Variants in AP3S1 observed in about 807,000 individuals in gnomAD.
AP3S1 encodes adaptor related protein complex 3 subunit sigma 1.
In AP3S1, 12 loss-of-function variants were observed where a neutral mutation model predicts 21.3. That is an observed-to-expected ratio of 0.56 (90% CI 0.36 to 0.91). The LOEUF is 0.91. Ranked by LOEUF, AP3S1 falls within the 40% of genes least tolerant of loss-of-function variation. The probability of loss-of-function intolerance (pLI) is 0.01; values close to 1 mark genes in which losing one functional copy is unlikely to be tolerated. For synonymous variants in AP3S1, 48 were observed against 78.4 expected, an observed-to-expected ratio of 0.61 and a Z score of 2.05; for missense variants, 116 against 225.0, an observed-to-expected ratio of 0.52 and a Z score of 3.10.
At chr5:115,893,662 A>C (rs1053809877) in intron 3 of AP3S1, among the ~76,000 whole-genome samples, 3 of 152,176 alleles carry the variant, frequency 2.0e-5, no homozygotes, top group African/African-American at 7.2e-5. Context: ...CGTGCCCTAC[A>C]TAGGAGCAAC....
intron 1 of AP3S1, among the ~76,000 whole-genome samples, chr5:115,862,548 A>T (rs1268176630): frequency 6.6e-6 from 1 of 152,224 alleles, no homozygotes; most frequent in Non-Finnish European, 1.5e-5. Flanking sequence ...ATGCAGTATT[A>T]AATTATAACT....
chr5:115,870,266 G>A (rs1268842597), intron 3 of AP3S1, 138 bp downstream of exon 3: 1 of 551,914 alleles, frequency 1.8e-6, no homozygotes, highest in Non-Finnish European at 3.1e-6. Context: ...GTTGGTAAAA[G>A]AGGTCAGAGG....
intron 1 of AP3S1, among the ~76,000 whole-genome samples, chr5:115,849,461 G>T (rs1177419626): frequency 6.6e-6 from 1 of 152,164 alleles, no homozygotes; most frequent in East Asian, 1.9e-4. Context: ...TAGCAAGAAG[G>T]CAAGCTGAGA....
At chr5:115,847,575 C>T (rs1762152144) in intron 1 of AP3S1, among the ~76,000 whole-genome samples, 1 of 152,164 alleles carries the variant, frequency 6.6e-6, no homozygotes, top group African/African-American at 2.4e-5. Flanking sequence ...GCTGAGATTG[C>T]GCCATTGCGC....
At chr5:115,893,600 G>A (rs1750504149) in intron 3 of AP3S1, among the ~76,000 whole-genome samples, 1 of 152,110 alleles carries the variant, frequency 6.6e-6, no homozygotes, top group Admixed American at 6.5e-5. Context: ...TGTCCACTTA[G>A]CCATCTAACA....
intron 3 of AP3S1, among the ~76,000 whole-genome samples, chr5:115,877,596 A>G (rs958437953): frequency 6.6e-6 from 1 of 152,072 alleles, no homozygotes; most frequent in Non-Finnish European, 1.5e-5. Context: ...TATCTACTCT[A>G]TCACTGATGG....
At chr5:115,879,409 G>C (rs567722982) in intron 3 of AP3S1, among the ~76,000 whole-genome samples, 3 of 152,092 alleles carry the variant, frequency 2.0e-5, no homozygotes, top group South Asian at 2.1e-4. Context: ...TAGTGTGAAG[G>C]GGTGTTGAAT....
Position 115,888,857 on chromosome 5 carries a change from G to A in AP3S1, c.274-6230G>A, listed in dbSNP as rs570415549. Reference sequence around the variant, plus strand: ...GCTGCCATTTATTAAATGGGTCTTCGGAACTGTGCTGGGCACTCTATCTAA... The same window carrying A: ...GCTGCCATTTATTAAATGGGTCTTCAGAACTGTGCTGGGCACTCTATCTAA... On this transcript the variant is annotated intron_variant, in intron 3 of 5. Coordinates refer to ENST00000316788, the MANE Select transcript of AP3S1 (RefSeq NM_001284.4). Among the ~76,000 whole-genome samples the A allele has an allele frequency of 2.6e-5, 4 of 152,146 alleles. No individual in the cohort carries two copies. In the South Asian group the frequency reaches 8.3e-4, roughly 32 times the overall value.
At chr5:115,910,188 C>T (rs1231805544) in intron 5 of AP3S1, among the ~76,000 whole-genome samples, 1 of 151,372 alleles carries the variant, frequency 6.6e-6, no homozygotes, top group Non-Finnish European at 1.5e-5. Flanking sequence ...TCACTTGAGC[C>T]CAGGAGTTCA....
intron 5 of AP3S1, chr5:115,907,002 G>C (rs1580748867): frequency 1.6e-6 from 2 of 1,242,672 alleles, no homozygotes. Context: ...TTCCATTCTA[G>C]TTTCTCCTTG....
intron 1 of AP3S1, among the ~76,000 whole-genome samples, chr5:115,864,097 TG>T (rs1174062832): frequency 6.6e-6 from 1 of 152,222 alleles, no homozygotes; most frequent in African/African-American, 2.4e-5. Flanking sequence ...CTAACTCTAC[TG>T]TTTTGTGCAA....
chr5:115,877,175 A>G (rs1199155176), intron 3 of AP3S1, among the ~76,000 whole-genome samples: 1 of 151,924 alleles, frequency 6.6e-6, no homozygotes, highest in African/African-American at 2.4e-5. Flanking sequence ...TGTGAGGAAA[A>G]GCTTTGTAAT....
chr5:115,879,202 C>G (rs185294386), intron 3 of AP3S1, among the ~76,000 whole-genome samples: 1 of 152,182 alleles, frequency 6.6e-6, no homozygotes, highest in Non-Finnish European at 1.5e-5. Context: ...TTTCTCTTGC[C>G]TGATTGCCCT....
intron 5 of AP3S1, among the ~76,000 whole-genome samples, chr5:115,906,629 A>G (rs1057060825): frequency 2.0e-5 from 3 of 152,052 alleles, no homozygotes; most frequent in African/African-American, 7.2e-5. Context: ...AACCTGCCTA[A>G]GAATAAAAGG....
chr5:115,893,572 G>A (rs1750501448), intron 3 of AP3S1, among the ~76,000 whole-genome samples: 1 of 152,140 alleles, frequency 6.6e-6, no homozygotes, highest in African/African-American at 2.4e-5. Context: ...CGTTGTTCAA[G>A]GATGAACTGT....
chr5:115,887,865 C>CT (rs1561510191), intron 3 of AP3S1, among the ~76,000 whole-genome samples: 2 of 152,096 alleles, frequency 1.3e-5, no homozygotes, highest in South Asian at 2.1e-4. Flanking sequence ...ATAGGTTACT[C>CT]TTTGTGGCTT....
In AP3S1 at chr5:115,893,427, C is replaced by T. The variant is rs539701950; in HGVS notation, c.274-1660C>T. On this transcript the variant is annotated intron_variant, in intron 3 of 5. Transcript: ENST00000316788. ...TGAAAACGTTATTTCACATTTTTTG[C>T]GAAATATGAAATATGTGTTAATCAA... 1.2e-4 allele frequency among the ~76,000 whole-genome samples: 18 copies of T among 152,204 alleles called. 1 individual carries two copies. Among genetic ancestry groups the T allele is most frequent in the East Asian group, 7.7e-4 (4 of 5,188 alleles).
rs75074782 is a variant in AP3S1, at chr5:115,894,336, C to T, written c.274-751C>T. Among the ~76,000 whole-genome samples the T allele has an allele frequency of 2.3e-4, 35 of 152,238 alleles. 1 individual carries two copies. The East Asian group carries it at 5.8e-3, about 25-fold the overall frequency. On this transcript the variant is annotated intron_variant, in intron 3 of 5. Coordinates refer to ENST00000316788, the MANE Select transcript of AP3S1 (RefSeq NM_001284.4). ...CTTGGCTACTTAAGCTTCAGATCCTCGGAGAAAAAGCAGGCATTCACTATA... is the reference window on the plus strand; with the variant it reads ...CTTGGCTACTTAAGCTTCAGATCCTTGGAGAAAAAGCAGGCATTCACTATA...
chr5:115,876,031 T>C (rs1020974134), intron 3 of AP3S1, among the ~76,000 whole-genome samples: 10 of 152,160 alleles, frequency 6.6e-5, no homozygotes. Context: ...AGCAGTTCTT[T>C]TAGGAGGCAT....
Sources: gnomAD v4.1 joint callset for allele counts (sites outside exome capture counted in the v4.1 genomes callset) on GRCh38, gnomAD v4.1.1 for gene constraint, MANE v1.5 for transcripts, NCBI Gene and HGNC (gene_info 2026-07-23, HGNC 2026-07-21) for gene names.